SCFD2: variants seen among roughly 807,000 people sequenced by gnomAD.
SCFD2 encodes sec1 family domain containing 2.
A neutral mutation model predicts 58.9 loss-of-function variants in SCFD2; 54 were observed. The ratio of observed to expected loss-of-function variants is 0.92; its 90% CI spans 0.74 to 1.15. The LOEUF is 1.15. SCFD2 is among the 50% of genes most tolerant of loss of function. The pLI is 0.00. For synonymous variants in SCFD2, 321 were observed against 335.9 expected, an observed-to-expected ratio of 0.96 and a Z score of 0.49; for missense variants, 805 against 836.6, an observed-to-expected ratio of 0.96 and a Z score of 0.47.
intron 5 of SCFD2, among the ~76,000 whole-genome samples, chr4:52,933,330 G>A (rs1351526309): frequency 6.6e-6 from 1 of 152,194 alleles, no homozygotes. Context: ...CCCCCATGGA[G>A]ATGCTCACTC....
intron 5 of SCFD2, among the ~76,000 whole-genome samples, chr4:53,075,140 T>C (rs1202935601): frequency 1.3e-5 from 2 of 152,232 alleles, no homozygotes; most frequent in African/African-American, 4.8e-5. Context: ...ATTTTCTGTT[T>C]CACCTTGCAC....
chr4:53,244,009 T>C (rs746853743), intron 4 of SCFD2, among the ~76,000 whole-genome samples: 4 of 152,130 alleles, frequency 2.6e-5, no homozygotes, highest in Non-Finnish European at 4.4e-5. Flanking sequence ...AAATACATTA[T>C]AGAAAAGGGT....
chr4:53,084,510 G>A (rs1222126925), intron 5 of SCFD2, among the ~76,000 whole-genome samples: 3 of 152,122 alleles, frequency 2.0e-5, no homozygotes, highest in African/African-American at 4.8e-5. Flanking sequence ...CTGAGGTGAC[G>A]TACATCCTCA....
intron 5 of SCFD2, chr4:52,957,560 A>G (rs1248625732): frequency 7.2e-5 from 11 of 152,256 alleles, no homozygotes. Context: ...AACCGGCTCC[A>G]ATAGCCATCA....
At chr4:53,304,913 T>A (rs1413877366) in intron 3 of SCFD2, among the ~76,000 whole-genome samples, 4 of 152,110 alleles carry the variant, frequency 2.6e-5, no homozygotes, top group African/African-American at 9.7e-5. Context: ...ATGTTCTCAT[T>A]TTTGGAATTT....
chr4:53,248,545 A>G (rs1174149168), intron 4 of SCFD2, among the ~76,000 whole-genome samples: 1 of 152,226 alleles, frequency 6.6e-6, no homozygotes, highest in African/African-American at 2.4e-5. Context: ...TGAAGAGAGC[A>G]GTGGTTCTCC....
intron 5 of SCFD2, among the ~76,000 whole-genome samples, chr4:53,100,343 C>T (rs941798095): frequency 1.3e-5 from 2 of 151,994 alleles, no homozygotes; most frequent in Admixed American, 1.3e-4. Flanking sequence ...TAGTGATGGT[C>T]CTGAAGTCAA....
At chr4:53,113,774 G>T (rs1284417723) in intron 5 of SCFD2, among the ~76,000 whole-genome samples, 1 of 151,840 alleles carries the variant, frequency 6.6e-6, no homozygotes, top group East Asian at 1.9e-4. Context: ...TTTATTATTG[G>T]ATAATGTTTA....
intron 5 of SCFD2, among the ~76,000 whole-genome samples, chr4:53,072,345 C>CT (rs1723840275): frequency 6.6e-6 from 1 of 152,058 alleles, no homozygotes; most frequent in Non-Finnish European, 1.5e-5. Flanking sequence ...CAAATTATTT[C>CT]TTTTTTAACA....
chr4:52,874,338 G>A (rs933986138), intron 8 of SCFD2, among the ~76,000 whole-genome samples: 11 of 152,162 alleles, frequency 7.2e-5, no homozygotes, highest in Non-Finnish European at 1.2e-4. Flanking sequence ...GCTGAGACTG[G>A]CACTAGGTAC....
At chr4:53,079,232 T>C (rs1724070448) in intron 5 of SCFD2, among the ~76,000 whole-genome samples, 1 of 152,240 alleles carries the variant, frequency 6.6e-6, no homozygotes, top group African/African-American at 2.4e-5. Flanking sequence ...CCAGGAGCAC[T>C]GATGTCTGGG....
intron 5 of SCFD2, among the ~76,000 whole-genome samples, chr4:53,125,445 T>G (rs1725599425): frequency 2.0e-5 from 3 of 152,248 alleles, no homozygotes; most frequent in African/African-American, 7.2e-5. Flanking sequence ...TCTCTTTTAC[T>G]AGCATTTTGA....
At chr4:53,089,614 T>C (rs541295203) in intron 5 of SCFD2, among the ~76,000 whole-genome samples, 3 of 152,182 alleles carry the variant, frequency 2.0e-5, no homozygotes, top group Non-Finnish European at 2.9e-5. Flanking sequence ...AAATATTTAA[T>C]AGTCAAAAGA....
chr4:53,281,001 C>A (rs1731490641), intron 3 of SCFD2, among the ~76,000 whole-genome samples: 1 of 152,160 alleles, frequency 6.6e-6, no homozygotes, highest in Non-Finnish European at 1.5e-5. Flanking sequence ...GAATTGAGTA[C>A]CCTATGAAGC....
At chr4:53,033,759 C>T (rs887373018) in intron 5 of SCFD2, among the ~76,000 whole-genome samples, 8 of 152,166 alleles carry the variant, frequency 5.3e-5, no homozygotes, top group Non-Finnish European at 1.0e-4. Context: ...CCTCCCAAGT[C>T]TAAACCAGGA....
chr4:52,887,880 G>A (rs898787096), intron 7 of SCFD2, among the ~76,000 whole-genome samples: 1 of 148,046 alleles, frequency 6.8e-6, no homozygotes, highest in African/African-American at 2.5e-5. Context: ...TTATACCCAC[G>A]TCTCAACATC....
intron 5 of SCFD2, among the ~76,000 whole-genome samples, chr4:53,089,496 A>G (rs1296226386): frequency 6.6e-6 from 1 of 152,192 alleles, no homozygotes; most frequent in African/African-American, 2.4e-5. Flanking sequence ...ATAATTATTC[A>G]TTTGACAAAT....
chr4:52,971,946 C>T (rs916226686), intron 5 of SCFD2, among the ~76,000 whole-genome samples: 5 of 152,108 alleles, frequency 3.3e-5, no homozygotes, highest in Admixed American at 6.6e-5. Context: ...AAATAAAATC[C>T]TTTATAGACA....
chr4:53,328,759 G>T (rs1035337973), intron 2 of SCFD2, among the ~76,000 whole-genome samples: 5 of 152,218 alleles, frequency 3.3e-5, no homozygotes, highest in Non-Finnish European at 7.3e-5. Flanking sequence ...GGCCGAATAG[G>T]AACAGCTCCG....
Sources: allele counts gnomAD v4.1 joint callset (sites outside exome capture counted in the v4.1 genomes callset), GRCh38; gene constraint gnomAD v4.1.1; transcripts MANE v1.5; gene names NCBI Gene and HGNC (gene_info 2026-07-23, HGNC 2026-07-21).